SDCCAG8: variants seen among roughly 807,000 people sequenced by gnomAD.
SDCCAG8 encodes SHH signaling and ciliogenesis regulator SDCCAG8, also known as serologically defined colon cancer antigen 8.
In SDCCAG8, 74 loss-of-function variants were observed where a neutral mutation model predicts 101.8. The observed-to-expected ratio is 0.73, with a 90% CI of 0.60 to 0.88. SDCCAG8 has a LOEUF of 0.88. Among genes scored for constraint, SDCCAG8 ranks in the 40% least tolerant of loss-of-function variants. SDCCAG8 has a pLI of 0.00. For missense variants in SDCCAG8, 787 were observed against 822.6 expected (o/e 0.96, Z 0.53); for synonymous variants, 281 against 292.9 (o/e 0.96, Z 0.41).
chr1:243,286,368 C>T lies in SDCCAG8; in HGVS notation c.517C>T (p.Leu173=), dbSNP rs373877739. The T allele has an allele frequency of 3.7e-6, 6 of 1,613,910 alleles. No homozygotes were observed. Among genetic ancestry groups the T allele is most frequent in the Admixed American group, 1.7e-5 (1 of 60,010 alleles). Residue 173 remains leucine (L), a synonymous_variant, in exon 5 of 18, where the codon CTG becomes TTG. Coordinates refer to ENST00000366541, the MANE Select transcript of SDCCAG8 (RefSeq NM_006642.5). ...AAAATCTCAAAGACAAGAGGAGACA[C>T]TGAGGGAACAAACACTTCTGGATGC... ...QLKSQRQEET[L]REQTLLDASG...
intron 16 of SDCCAG8, among the ~76,000 whole-genome samples, chr1:243,444,586 G>T (rs1356216851): frequency 6.6e-6 from 1 of 152,030 alleles, no homozygotes; most frequent in African/African-American, 2.4e-5. Context: ...TGCCCAGGCT[G>T]GTCTCAGGCT....
At chr1:243,463,765 G>A (rs1247678804) in intron 16 of SDCCAG8, among the ~76,000 whole-genome samples, 1 of 152,190 alleles carries the variant, frequency 6.6e-6, no homozygotes, top group Non-Finnish European at 1.5e-5. Flanking sequence ...TGAGTCCAGA[G>A]CCTGCACCTT....
chr1:243,362,898 C>T (rs1376799374), intron 12 of SDCCAG8, among the ~76,000 whole-genome samples: 2 of 152,196 alleles, frequency 1.3e-5, no homozygotes, highest in East Asian at 3.8e-4. Flanking sequence ...CCTCATGGCA[C>T]GCATCTGCTG....
intron 13 of SDCCAG8, among the ~76,000 whole-genome samples, chr1:243,414,319 A>C (rs1416436218): frequency 6.6e-6 from 1 of 152,118 alleles, no homozygotes; most frequent in Non-Finnish European, 1.5e-5. Flanking sequence ...CCATGGCCAG[A>C]AAATACATGG....
chr1:243,447,137 G>C, intron 16 of SDCCAG8, among the ~76,000 whole-genome samples: 1 of 149,740 alleles, frequency 6.7e-6, no homozygotes, highest in Admixed American at 6.8e-5. Flanking sequence ...TGTAATCCCA[G>C]CTACTCCAGA....
intron 13 of SDCCAG8, among the ~76,000 whole-genome samples, chr1:243,380,319 T>G (rs1160207582): frequency 6.6e-6 from 1 of 152,246 alleles, no homozygotes; most frequent in Non-Finnish European, 1.5e-5. Context: ...TTTAGCTTCA[T>G]CATGGTAATG....
chr1:243,445,254 C>T (rs1457644350), intron 16 of SDCCAG8, among the ~76,000 whole-genome samples: 1 of 152,166 alleles, frequency 6.6e-6, no homozygotes, highest in South Asian at 2.1e-4. Flanking sequence ...AACTTCACCT[C>T]TTGTCGTCTA....
At chr1:243,270,313 C>A in intron 2 of SDCCAG8, 56 bp downstream of exon 2, 1 of 1,460,762 alleles carries the variant, frequency 6.8e-7, no homozygotes, top group Non-Finnish European at 9.6e-7. Context: ...TTTTAAACTC[C>A]GTAGAATAAT....
At chr1:243,337,697 G>A (rs2075106251) in intron 10 of SDCCAG8, among the ~76,000 whole-genome samples, 1 of 152,160 alleles carries the variant, frequency 6.6e-6, no homozygotes, top group African/African-American at 2.4e-5. Flanking sequence ...CTTACCGTGG[G>A]CATTTAATAA....
chr1:243,257,454 A>G (rs1234408483), intron 1 of SDCCAG8, among the ~76,000 whole-genome samples: 2 of 151,918 alleles, frequency 1.3e-5, no homozygotes, highest in African/African-American at 4.8e-5. Context: ...GAGCTTCTGG[A>G]TTAGTTGGGG....
At chr1:243,283,632 G>A (rs1324914055) in intron 4 of SDCCAG8, among the ~76,000 whole-genome samples, 3 of 151,866 alleles carry the variant, frequency 2.0e-5, no homozygotes, top group South Asian at 2.1e-4. Context: ...TTTATTTTGA[G>A]CATTTTCTTT....
chr1:243,365,558 T>C (rs182083501), intron 12 of SDCCAG8, among the ~76,000 whole-genome samples: 1 of 152,276 alleles, frequency 6.6e-6, no homozygotes, highest in African/African-American at 2.4e-5. Flanking sequence ...AGTTTTAATT[T>C]GTGATAGTAG....
chr1:243,398,742 G>A (rs1241551044), intron 13 of SDCCAG8, among the ~76,000 whole-genome samples: 3 of 152,184 alleles, frequency 2.0e-5, no homozygotes, highest in African/African-American at 7.2e-5. Context: ...AACAATCAGT[G>A]TCATCATTTG....
intron 16 of SDCCAG8, 84 bp downstream of exon 16, chr1:243,426,642 G>A (rs181770784): frequency 5.7e-5 from 87 of 1,519,624 alleles, no homozygotes; most frequent in Non-Finnish European, 7.4e-5. Flanking sequence ...TGCGGAATAA[G>A]TAGAATTCAT....
chr1:243,303,480 G>A (rs1239574887), intron 6 of SDCCAG8, among the ~76,000 whole-genome samples: 1 of 152,086 alleles, frequency 6.6e-6, no homozygotes, highest in Admixed American at 6.5e-5. Flanking sequence ...TTCTGCCTCT[G>A]CCATCCCTGA....
At chr1:243,499,730 AACTT>A in intron 17 of SDCCAG8, 22 bp from the exon 18 acceptor site, 3 of 1,590,004 alleles carry the variant, frequency 1.9e-6, no homozygotes, top group South Asian at 2.2e-5. Flanking sequence ...GAGCTATTGA[AACTT>A]ACTTTTTATT....
intron 12 of SDCCAG8, among the ~76,000 whole-genome samples, chr1:243,348,934 C>T (rs139218903): frequency 3.3e-5 from 5 of 151,392 alleles, no homozygotes; most frequent in East Asian, 3.9e-4. Context: ...TGTGGTGAGC[C>T]GAGATCACGC....
At chr1:243,274,783 T>C (rs1034615293) in intron 4 of SDCCAG8, 127 bp downstream of exon 4, 3 of 620,508 alleles carry the variant, frequency 4.8e-6, no homozygotes, top group African/African-American at 3.7e-5. Flanking sequence ...TATTCTTACG[T>C]GATTGAGAGA....
intron 13 of SDCCAG8, among the ~76,000 whole-genome samples, chr1:243,390,459 T>C (rs761670650): frequency 5.9e-5 from 9 of 152,208 alleles, no homozygotes; most frequent in Non-Finnish European, 1.3e-4. Context: ...CCTGCTCTGC[T>C]CCACCTGTTT....
Sources: gnomAD v4.1 joint callset for allele counts (sites outside exome capture counted in the v4.1 genomes callset) on GRCh38, gnomAD v4.1.1 for gene constraint, MANE v1.5 for transcripts, NCBI Gene and HGNC (gene_info 2026-07-23, HGNC 2026-07-21) for gene names.